Variants in CFAP45 observed in about 807,000 individuals in gnomAD.
CFAP45 encodes cilia and flagella associated protein 45, also known as cilia- and flagella-associated protein 45.
CFAP45 carries 43 observed loss-of-function variants against 75.6 expected under a neutral mutation model. That is an observed-to-expected ratio of 0.57 (90% CI 0.45 to 0.73). The LOEUF (loss-of-function observed/expected upper bound fraction) is 0.73, where lower values mean the gene tolerates loss of function less well. Ranked by LOEUF, CFAP45 falls within the 30% of genes least tolerant of loss-of-function variation. The pLI, the probability that CFAP45 is intolerant of heterozygous loss-of-function variation, is 0.00. For synonymous variants in CFAP45, 223 were observed against 244.6 expected (o/e 0.91, Z 0.82); for missense variants, 689 against 701.5 (o/e 0.98, Z 0.20).
intron 1 of CFAP45, among the ~76,000 whole-genome samples, chr1:159,894,491 G>A (rs570765723): frequency 5.3e-5 from 8 of 152,226 alleles, no homozygotes; most frequent in Non-Finnish European, 1.2e-4. Context: ...CTCACCCACT[G>A]CTTGGCATGT....
chr1:159,886,301 C>T (rs1649675899), intron 6 of CFAP45, among the ~76,000 whole-genome samples: 1 of 151,572 alleles, frequency 6.6e-6, no homozygotes, highest in Non-Finnish European at 1.5e-5. Context: ...GATTATGCCA[C>T]TGCACTCCAG....
intron 10 of CFAP45, among the ~76,000 whole-genome samples, chr1:159,876,022 G>T (rs1649391854): frequency 6.6e-6 from 1 of 152,224 alleles, no homozygotes; most frequent in Non-Finnish European, 1.5e-5. Context: ...CTTTCCTGTG[G>T]AATGGGCAAG....
chr1:159,877,345 G>A lies in CFAP45; in HGVS notation c.1158+4C>T. ...GTAGAGGGAAGTCGAGACTAAGCAG[G>A]TACCTGTTCTGCCTGGTAATCCTGG... is the stretch of plus-strand genomic sequence containing the variant. On this transcript the variant is annotated splice_donor_region_variant and intron_variant, in intron 9 of 11. Coordinates refer to ENST00000368099, the MANE Select transcript of CFAP45 (RefSeq NM_012337.3). 6.3e-7 allele frequency: 1 copy of A among 1,588,826 alleles called. No individual in the cohort carries two copies. Among genetic ancestry groups the A allele is most frequent in the Non-Finnish European group, 8.6e-7 (1 of 1,156,858 alleles).
intron 1 of CFAP45, among the ~76,000 whole-genome samples, chr1:159,897,170 G>A (rs9427358): frequency 0.014 from 2,156 of 152,036 alleles, 58 homozygotes; most frequent in African/African-American, 0.05. Context: ...AGGCTGAGGC[G>A]GAAGGATTGC....
At chr1:159,898,453 G>A (rs772185824) in intron 1 of CFAP45, among the ~76,000 whole-genome samples, 18 of 152,120 alleles carry the variant, frequency 1.2e-4, no homozygotes, top group South Asian at 2.1e-4. Flanking sequence ...AGCACTATAC[G>A]TACACGAACA....
At chr1:159,881,678 G>A (rs890197506) in intron 7 of CFAP45, among the ~76,000 whole-genome samples, 10 of 152,198 alleles carry the variant, frequency 6.6e-5, no homozygotes, top group Non-Finnish European at 1.3e-4. Context: ...AACATTTGAC[G>A]GAGATCAGAG....
At chr1:159,888,131 G>A (rs2101848455) in intron 4 of CFAP45, 120 bp from the exon 5 acceptor site, 1 of 1,211,418 alleles carries the variant, frequency 8.3e-7, no homozygotes, top group Non-Finnish European at 1.2e-6. Flanking sequence ...TGATGTCAGA[G>A]CCAAGAAGTT....
chr1:159,872,856 A>AC, intron 11 of CFAP45, 88 bp downstream of exon 11: 1 of 1,313,230 alleles, frequency 7.6e-7, no homozygotes, highest in Non-Finnish European at 1.1e-6. Flanking sequence ...ATGGCCCTTC[A>AC]CCCCCAAATC....
intron 10 of CFAP45, 137 bp from the exon 11 acceptor site, chr1:159,873,305 T>G: frequency 1.5e-6 from 1 of 680,434 alleles, no homozygotes; most frequent in South Asian, 1.9e-5. Flanking sequence ...CCAGCCCCAT[T>G]TTGTAACTCA....
At chr1:159,899,148 C>G (rs1212879122) in intron 1 of CFAP45, among the ~76,000 whole-genome samples, 1 of 152,148 alleles carries the variant, frequency 6.6e-6, no homozygotes, top group African/African-American at 2.4e-5. Context: ...CATGGTTCCT[C>G]CCAGGCTTTG....
chr1:159,897,188 C>G (rs924477818), intron 1 of CFAP45, among the ~76,000 whole-genome samples: 1 of 151,964 alleles, frequency 6.6e-6, no homozygotes, highest in Non-Finnish European at 1.5e-5. Flanking sequence ...TGCTTGATCC[C>G]GGGAGGCAGA....
chr1:159,876,533 C>T, intron 10 of CFAP45, 23 bp downstream of exon 10: 1 of 1,556,242 alleles, frequency 6.4e-7, no homozygotes, highest in Non-Finnish European at 8.9e-7. Context: ...GAAAGGAATC[C>T]AAGGTTCCCA....
intron 11 of CFAP45, 85 bp downstream of exon 11, chr1:159,872,859 C>A: frequency 7.3e-6 from 10 of 1,367,550 alleles, no homozygotes; most frequent in Non-Finnish European, 1.0e-5. Context: ...GCCCTTCACC[C>A]CCAAATCCCC....
chr1:159,884,476 A>T lies in CFAP45; in HGVS notation c.857T>A (p.Met286Lys). 6.2e-7 allele frequency: 1 copy of T among 1,613,902 alleles called. No homozygotes were observed. Reference protein sequence around the residue: ...AEQREQEKEQMLEYMEQLQEE... With the variant: ...AEQREQEKEQKLEYMEQLQEE... The stretch of plus-strand genomic sequence containing the variant: ...TTGGAGCTGTTCCATATATTCCAGC[A>T]TCTGCTCCTTCTCCTGCTCCCGCTG... Residue 286 changes from methionine to lysine, a missense_variant, in exon 7 of 12, where the codon ATG (methionine) becomes AAG (lysine). By Grantham distance (95) the Met-to-Lys change is moderately conservative (BLOSUM62 -1). Transcript: ENST00000368099.
At chr1:159,889,228 T>G (rs1419419563) in intron 3 of CFAP45, among the ~76,000 whole-genome samples, 1 of 149,006 alleles carries the variant, frequency 6.7e-6, no homozygotes, top group African/African-American at 2.5e-5. Context: ...AATCGCTAAT[T>G]ATAATGATTA....
chr1:159,884,073 C>A (rs1216463820), intron 7 of CFAP45, among the ~76,000 whole-genome samples: 2 of 152,160 alleles, frequency 1.3e-5, no homozygotes, highest in Non-Finnish European at 2.9e-5. Flanking sequence ...TGCTACTGTT[C>A]ATCTACAAAG....
At chr1:159,884,082 AG>A (rs1487521335) in intron 7 of CFAP45, among the ~76,000 whole-genome samples, 3 of 152,226 alleles carry the variant, frequency 2.0e-5, no homozygotes, top group Non-Finnish European at 4.4e-5. Flanking sequence ...TCATCTACAA[AG>A]TATATAATAT....
At chr1:159,873,690 A>G (rs1231381927) in intron 10 of CFAP45, among the ~76,000 whole-genome samples, 1 of 152,156 alleles carries the variant, frequency 6.6e-6, no homozygotes, top group Non-Finnish European at 1.5e-5. Context: ...CCCAAGCTAC[A>G]CATTCTCAAT....
At chr1:159,896,163 A>G (rs1206424585) in intron 1 of CFAP45, among the ~76,000 whole-genome samples, 6 of 152,238 alleles carry the variant, frequency 3.9e-5, no homozygotes, top group Non-Finnish European at 7.3e-5. Flanking sequence ...AAGGACTCCA[A>G]CAGGTTTTCC....
Sources: allele counts gnomAD v4.1 joint callset (sites outside exome capture counted in the v4.1 genomes callset), GRCh38; gene constraint gnomAD v4.1.1; transcripts MANE v1.5; gene names NCBI Gene and HGNC (gene_info 2026-07-23, HGNC 2026-07-21).